Variants in KCNK2 observed in about 807,000 individuals in gnomAD.
KCNK2 encodes the protein potassium channel subfamily K member 2.
Under a neutral mutation model 40.5 loss-of-function variants are expected in KCNK2, and 21 were observed. The ratio of observed to expected loss-of-function variants is 0.52; its 90% CI spans 0.37 to 0.75. KCNK2 has a LOEUF of 0.75. Among genes scored for constraint, KCNK2 ranks in the 30% least tolerant of loss-of-function variants. The pLI is 0.00. For missense variants in KCNK2, 399 were observed against 531.6 expected, an observed-to-expected ratio of 0.75 and a Z score of 2.45; for synonymous variants, 191 against 202.2, an observed-to-expected ratio of 0.94 and a Z score of 0.47.
At position 215,194,994 on chromosome 1, in the gene KCNK2, G is replaced by A; in HGVS notation, c.865G>A (p.Val289Met). 6.2e-7 allele frequency: 1 copy of A among 1,613,424 alleles called. No individual in the cohort carries two copies. The highest frequency in any genetic ancestry group is 8.5e-7 in the Non-Finnish European group (1 of 1,179,584). The change falls in exon 6 of 7, where the codon GTG becomes ATG. Residue 289 changes from valine to methionine, a missense_variant. Val to Met is a conservative substitution (Grantham distance 21). This residue lies in a region of KCNK2 where 17 missense variants were observed against 53.4 expected (regional missense o/e 0.32). Transcript: ENST00000444842. ...ATATCTGGACTTCTATAAGCCTGTC[G>A]TGTGGTTCTGGATCCTTGTAGGGCT... ...IEYLDFYKPV[V>M]WFWILVGLAY... is the part of the protein sequence containing the mutation.
upstream of KCNK2, among the ~76,000 whole-genome samples, chr1:215,080,095 G>C (rs1204918219): frequency 6.6e-6 from 1 of 152,148 alleles, no homozygotes; most frequent in African/African-American, 2.4e-5. Context: ...GCAAAAAGCA[G>C]GGAAGATGGC....
intron 2 of KCNK2, among the ~76,000 whole-genome samples, chr1:215,112,915 G>A (rs932512926): frequency 6.6e-6 from 1 of 152,074 alleles, no homozygotes; most frequent in Non-Finnish European, 1.5e-5. Flanking sequence ...ACCTTTCTCA[G>A]TATCACATTT....
chr1:215,204,218 G>A (rs116220297), intron 6 of KCNK2, among the ~76,000 whole-genome samples: 2,179 of 150,632 alleles, frequency 0.014, 51 homozygotes, highest in African/African-American at 0.049. Flanking sequence ...AGAGGCAATA[G>A]CTCAATGTTT....
chr1:215,233,941 G>A (rs956575056), intron 6 of KCNK2, among the ~76,000 whole-genome samples: 1 of 152,178 alleles, frequency 6.6e-6, no homozygotes, highest in African/African-American at 2.4e-5. Context: ...CAGGGTGATC[G>A]ATGGCACTTT....
chr1:215,129,559 T>A (rs1313496440), intron 3 of KCNK2, among the ~76,000 whole-genome samples: 2 of 152,026 alleles, frequency 1.3e-5, no homozygotes, highest in African/African-American at 4.8e-5. Flanking sequence ...GAACCCTGAA[T>A]GATGAAAATA....
chr1:215,016,107 GACAA>G (rs1656576998), intron 1 of KCNK2, among the ~76,000 whole-genome samples: 1 of 152,094 alleles, frequency 6.6e-6, no homozygotes, highest in Admixed American at 6.5e-5. Context: ...CAATAAAAAT[GACAA>G]ACAACAAATT....
At chr1:215,044,481 C>T (rs1424350478) in intron 1 of KCNK2, among the ~76,000 whole-genome samples, 1 of 152,016 alleles carries the variant, frequency 6.6e-6, no homozygotes, top group Non-Finnish European at 1.5e-5. Flanking sequence ...TGTTAGTTCT[C>T]TGTGTCTCTT....
intron 3 of KCNK2, among the ~76,000 whole-genome samples, chr1:215,163,347 A>G (rs1056586026): frequency 6.6e-6 from 1 of 152,168 alleles, no homozygotes; most frequent in Admixed American, 6.5e-5. Flanking sequence ...CTAAATATAC[A>G]ATCACGTGAT....
At chr1:215,075,935 C>G (rs1473583549) in intron 1 of KCNK2, among the ~76,000 whole-genome samples, 1 of 152,190 alleles carries the variant, frequency 6.6e-6, no homozygotes, top group African/African-American at 2.4e-5. Flanking sequence ...TGGCCCACCC[C>G]CCAGGCAAGA....
rs559212118 is a variant in KCNK2, at chr1:215,040,364, G to C, written c.34+34409G>C. Among the ~76,000 whole-genome samples the C allele has an allele frequency of 1.7e-4, 26 of 152,250 alleles. No individual in the cohort carries two copies. The South Asian group carries it at 5.2e-3, about 30-fold the overall frequency. On this transcript the variant is annotated intron_variant, in intron 1 of 6. Transcript: ENST00000391895. The stretch of plus-strand genomic sequence containing the variant: ...ATTAGAGAGGTTGCATAACTTGCCC[G>C]AGGTCACACTCCTAGTTCAATGGCA...
chr1:215,213,056 G>C (rs1665805079), intron 6 of KCNK2, among the ~76,000 whole-genome samples: 1 of 152,144 alleles, frequency 6.6e-6, no homozygotes, highest in African/African-American at 2.4e-5. Context: ...GCTTATGCTT[G>C]ACTGGAATAA....
At chr1:215,111,531 T>C (rs1045169654) in intron 2 of KCNK2, among the ~76,000 whole-genome samples, 6 of 152,152 alleles carry the variant, frequency 3.9e-5, no homozygotes, top group African/African-American at 1.4e-4. Flanking sequence ...TGATCAAGTC[T>C]GCAGTTGAAC....
At position 215,027,581 on chromosome 1, in the gene KCNK2, G is replaced by T. The variant is rs190215457; in HGVS notation, c.34+21626G>T. The stretch of plus-strand genomic sequence containing the variant: ...GCACACCCAGAGTAAACCCTACTTG[G>T]CCAGTTTGGGGTTTTCTGTTGACAT... On this transcript the variant is annotated intron_variant, in intron 1 of 6. Coordinates refer to the KCNK2 transcript ENST00000391895. 7.6e-4 allele frequency among the ~76,000 whole-genome samples: 116 copies of T among 152,194 alleles called. 3 individuals are homozygous for T. The highest frequency in any genetic ancestry group is 7.6e-3 in the Admixed American group (116 of 15,292).
At chr1:215,067,653 C>G (rs1658604184) in intron 1 of KCNK2, among the ~76,000 whole-genome samples, 1 of 152,072 alleles carries the variant, frequency 6.6e-6, no homozygotes, top group Non-Finnish European at 1.5e-5. Context: ...CACCTGAGGA[C>G]AGGAGTTCAA....
intron 3 of KCNK2, among the ~76,000 whole-genome samples, chr1:215,146,146 A>T (rs963065681): frequency 3.3e-5 from 5 of 152,300 alleles, no homozygotes; most frequent in Admixed American, 2.0e-4. Context: ...CCTGAGAAGG[A>T]CTATGAGAAC....
At chr1:215,217,327 G>T (rs1465376919) in intron 6 of KCNK2, among the ~76,000 whole-genome samples, 1 of 152,066 alleles carries the variant, frequency 6.6e-6, no homozygotes, top group Non-Finnish European at 1.5e-5. Flanking sequence ...CATTTTCCTG[G>T]ATCTGCTTAA....
chr1:215,065,932 T>C (rs1658521670), intron 1 of KCNK2, among the ~76,000 whole-genome samples: 1 of 152,002 alleles, frequency 6.6e-6, no homozygotes. Context: ...GAAGTTTGAG[T>C]CCAGCCTGGG....
intron 1 of KCNK2, among the ~76,000 whole-genome samples, chr1:215,014,236 G>C (rs1656505500): frequency 6.6e-6 from 1 of 152,036 alleles, no homozygotes; most frequent in Admixed American, 6.6e-5. Flanking sequence ...TGTTGAGCCA[G>C]CCTTCCATTT....
chr1:215,048,087 A>T (rs1043483274), intron 1 of KCNK2, among the ~76,000 whole-genome samples: 1 of 152,308 alleles, frequency 6.6e-6, no homozygotes, highest in South Asian at 2.1e-4. Context: ...GCCTTCAAAG[A>T]TATTCCTGGG....
Sources: gnomAD v4.1 joint callset for allele counts (sites outside exome capture counted in the v4.1 genomes callset) on GRCh38, gnomAD v4.1.1 for gene constraint, gnomAD v4.1.1 regional missense constraint, MANE v1.5 for transcripts, NCBI Gene and HGNC (gene_info 2026-07-23, HGNC 2026-07-21) for gene names.